The following MAGI3 variants were observed in gnomAD, a reference collection of about 807,000 sequenced individuals.
MAGI3 encodes the protein membrane-associated guanylate kinase, WW and PDZ domain-containing protein 3.
MAGI3 carries 43 observed loss-of-function variants against 121.8 expected under a neutral mutation model. The ratio of observed to expected loss-of-function variants is 0.35; its 90% CI spans 0.28 to 0.46. The LOEUF is 0.46. MAGI3 is among the 20% of genes least tolerant of loss of function. The pLI, the probability that MAGI3 is intolerant of heterozygous loss-of-function variation, is 1.00. For synonymous variants in MAGI3, 553 were observed against 639.3 expected (o/e 0.86, Z 2.04); for missense variants, 1,547 against 1,797.3 (o/e 0.86, Z 2.52).
intron 7 of MAGI3, chr1:113,618,541 T>C (rs189205568): frequency 3.8e-5 from 17 of 450,310 alleles, no homozygotes; most frequent in African/African-American, 3.0e-4. Context: ...GTTTCACTCT[T>C]GTCGCCCAAG....
chr1:113,594,418 A>C (rs1271332834), intron 5 of MAGI3, 63 bp from the exon 6 acceptor site: 1 of 1,323,568 alleles, frequency 7.6e-7, no homozygotes, highest in Non-Finnish European at 1.1e-6. Context: ...TTTAATCTTT[A>C]CTTTTGAAAT....
intron 9 of MAGI3, among the ~76,000 whole-genome samples, chr1:113,624,866 T>G (rs1424256301): frequency 6.6e-6 from 1 of 152,212 alleles, no homozygotes; most frequent in African/African-American, 2.4e-5. Flanking sequence ...AGTCTTTAAT[T>G]CACCTTGATT....
rs535789546 is a variant in MAGI3 at position 113,651,243 on chromosome 1, AG to A, written c.2440+38del. The A allele has an allele frequency of 2.3e-4, 361 of 1,557,904 alleles. No individual in the cohort carries two copies. The African/African-American group carries it at 4.6e-3, about 20-fold the overall frequency. Reference sequence around the variant, plus strand: ...TGTTCCTGCTCTGAAAAGTTAAAAAAGAAACAAAGATACTAGTCTACTTCCT... The same window carrying A: ...TGTTCCTGCTCTGAAAAGTTAAAAAAAAACAAAGATACTAGTCTACTTCCT... On this transcript the variant is annotated intron_variant, in intron 14 of 20. Coordinates refer to ENST00000307546, the MANE Select transcript of MAGI3 (RefSeq NM_001142782.2).
intron 6 of MAGI3, among the ~76,000 whole-genome samples, chr1:113,600,775 G>A (rs1317545788): frequency 6.6e-6 from 1 of 152,182 alleles, no homozygotes; most frequent in African/African-American, 2.4e-5. Flanking sequence ...TCAATCCTAA[G>A]CCAAAAGAAC....
chr1:113,585,644 T>G, intron 4 of MAGI3, 48 bp downstream of exon 4: 1 of 1,495,082 alleles, frequency 6.7e-7, no homozygotes, highest in Non-Finnish European at 9.1e-7. Flanking sequence ...AGATTGATTT[T>G]ACTATTACGT....
At chr1:113,481,305 C>T (rs546071194) in intron 1 of MAGI3, among the ~76,000 whole-genome samples, 90 of 152,258 alleles carry the variant, frequency 5.9e-4, no homozygotes, top group African/African-American at 2.0e-3. Flanking sequence ...TAGTTAGGTC[C>T]GCCTTTGTAG....
intron 1 of MAGI3, among the ~76,000 whole-genome samples, chr1:113,406,833 C>T (rs1557738646): frequency 6.6e-6 from 1 of 152,108 alleles, no homozygotes; most frequent in Non-Finnish European, 1.5e-5. Context: ...TTCCTTAGCA[C>T]TTTTAATGTG....
At chr1:113,621,853 A>G (rs1650839073) in intron 8 of MAGI3, among the ~76,000 whole-genome samples, 1 of 151,968 alleles carries the variant, frequency 6.6e-6, no homozygotes. Flanking sequence ...CATTCAAAAA[A>G]CCACATATTG....
intron 2 of MAGI3, among the ~76,000 whole-genome samples, chr1:113,574,209 G>A (rs1647483136): frequency 1.3e-5 from 2 of 152,046 alleles, no homozygotes; most frequent in African/African-American, 4.8e-5. Flanking sequence ...GGTTAATATT[G>A]TTATGTATTA....
At chr1:113,394,833 C>G (rs748167548) in intron 1 of MAGI3, among the ~76,000 whole-genome samples, 45 of 152,014 alleles carry the variant, frequency 3.0e-4, no homozygotes, top group Non-Finnish European at 5.4e-4. Flanking sequence ...TCATAGGAAA[C>G]AATGTTATAG....
intron 1 of MAGI3, among the ~76,000 whole-genome samples, chr1:113,511,255 G>A (rs10857997): frequency 0.55 from 82,900 of 152,032 alleles, 23,911 homozygotes; most frequent in African/African-American, 0.72. Context: ...ATTTAGTTGT[G>A]GGTAGGGGGA....
At chr1:113,392,218 G>A (rs1391636441) in intron 1 of MAGI3, among the ~76,000 whole-genome samples, 1 of 152,220 alleles carries the variant, frequency 6.6e-6, no homozygotes, top group Non-Finnish European at 1.5e-5. Flanking sequence ...GTTATAGACA[G>A]CATTGTTGGT....
chr1:113,673,387 G>A lies in MAGI3; in HGVS notation c.3111G>A (p.Gly1037=). ...GGGGCTTTGGATTCAGCCTCCGAGG[G>A]GGGAAGGAGTACAACATGGGGCTGT... ...GPRGFGFSLR[G]GKEYNMGLFI... Residue 1037 remains glycine, a synonymous_variant, in exon 19 of 21, where the codon GGG becomes GGA. Coordinates refer to ENST00000307546, the MANE Select transcript of MAGI3 (RefSeq NM_001142782.2). 6.2e-7 allele frequency: 1 copy of A among 1,612,370 alleles called. No individual in the cohort carries two copies.
intron 1 of MAGI3, among the ~76,000 whole-genome samples, chr1:113,417,892 T>A (rs567530407): frequency 6.6e-6 from 1 of 152,258 alleles, no homozygotes; most frequent in South Asian, 2.1e-4. Context: ...CTCAAATACT[T>A]TAGAATAATA....
At chr1:113,420,076 A>C (rs1652657439) in intron 1 of MAGI3, among the ~76,000 whole-genome samples, 1 of 152,224 alleles carries the variant, frequency 6.6e-6, no homozygotes, top group African/African-American at 2.4e-5. Context: ...TTGTACTCAC[A>C]TTAAGGGAGA....
chr1:113,491,236 C>A (rs770093183), intron 1 of MAGI3, among the ~76,000 whole-genome samples: 2 of 152,196 alleles, frequency 1.3e-5, no homozygotes, highest in African/African-American at 2.4e-5. Flanking sequence ...CAGAACCATA[C>A]AATTACATGG....
chr1:113,394,184 T>C (rs565390127), intron 1 of MAGI3, among the ~76,000 whole-genome samples: 44 of 152,312 alleles, frequency 2.9e-4, no homozygotes, highest in South Asian at 2.1e-4. Flanking sequence ...TGATTTTTTT[T>C]CCCTTTTTTT....
chr1:113,667,498 A>G (rs963617760), intron 16 of MAGI3, among the ~76,000 whole-genome samples: 1 of 152,208 alleles, frequency 6.6e-6, no homozygotes, highest in African/African-American at 2.4e-5. Flanking sequence ...CTTGCTCTGG[A>G]TTAGGCTTTG....
At chr1:113,598,902 A>G (rs1452159752) in intron 6 of MAGI3, among the ~76,000 whole-genome samples, 1 of 152,228 alleles carries the variant, frequency 6.6e-6, no homozygotes, top group African/African-American at 2.4e-5. Flanking sequence ...AACCTTCTGC[A>G]AAGTAGACCA....
Sources: allele counts gnomAD v4.1 joint callset (sites outside exome capture counted in the v4.1 genomes callset), GRCh38; gene constraint gnomAD v4.1.1; transcripts MANE v1.5; gene names NCBI Gene and HGNC (gene_info 2026-07-23, HGNC 2026-07-21).